PRKAG2: variants seen among roughly 807,000 people sequenced by gnomAD.
PRKAG2 encodes 5'-AMP-activated protein kinase subunit gamma-2.
A neutral mutation model predicts 69.6 loss-of-function variants in PRKAG2; 26 were observed. The ratio of observed to expected loss-of-function variants is 0.37; its 90% confidence interval spans 0.27 to 0.52. The LOEUF (loss-of-function observed/expected upper bound fraction) is 0.52, where lower values mean the gene tolerates loss of function less well. Ranked by LOEUF, PRKAG2 falls within the 20% of genes least tolerant of loss-of-function variation. The probability of loss-of-function intolerance (pLI) is 0.90; values close to 1 mark genes in which losing one functional copy is unlikely to be tolerated. For missense variants in PRKAG2, 557 were observed against 740.0 expected (o/e 0.75, Z 2.87); for synonymous variants, 293 against 285.0 (o/e 1.03, Z -0.28).
chr7:151,726,192 G>A (rs1199507067), intron 3 of PRKAG2, among the ~76,000 whole-genome samples: 2 of 152,158 alleles, frequency 1.3e-5, no homozygotes, highest in Admixed American at 1.3e-4. Flanking sequence ...CTGCCCATCA[G>A]AGGAACCGAG....
intron 1 of PRKAG2, among the ~76,000 whole-genome samples, chr7:151,857,726 G>A (rs895263780): frequency 2.0e-5 from 3 of 152,220 alleles, no homozygotes; most frequent in African/African-American, 7.2e-5. Flanking sequence ...TGCTGGCTTG[G>A]GAGCGCTCGC....
chr7:151,846,446 G>GGCA (rs2079434931), intron 1 of PRKAG2, among the ~76,000 whole-genome samples: 4 of 149,750 alleles, frequency 2.7e-5, no homozygotes, highest in African/African-American at 9.9e-5. Context: ...CCAGCCTGAC[G>GGCA]ACAGAAACTC....
chr7:151,744,266 G>T (rs1399607760), intron 3 of PRKAG2, among the ~76,000 whole-genome samples: 1 of 152,236 alleles, frequency 6.6e-6, no homozygotes, highest in Non-Finnish European at 1.5e-5. Flanking sequence ...ACGGCATCGG[G>T]GAAGTGCCAG....
At chr7:151,622,715 C>T (rs1464272841) in intron 5 of PRKAG2, among the ~76,000 whole-genome samples, 1 of 152,208 alleles carries the variant, frequency 6.6e-6, no homozygotes, top group Middle Eastern at 3.2e-3. Flanking sequence ...CAGGGATAAG[C>T]ACAAACATCC....
chr7:151,837,666 C>T (rs371776542), intron 1 of PRKAG2, among the ~76,000 whole-genome samples: 6 of 152,128 alleles, frequency 3.9e-5, no homozygotes, highest in South Asian at 2.1e-4. Context: ...ATGCCACACG[C>T]GAGGCACTTT....
At chr7:151,868,797 A>T (rs1474467775) in intron 1 of PRKAG2, among the ~76,000 whole-genome samples, 1 of 152,248 alleles carries the variant, frequency 6.6e-6, no homozygotes, top group East Asian at 1.9e-4. Flanking sequence ...ACAGAAAGAC[A>T]CTGGCCATGA....
intron 2 of PRKAG2, among the ~76,000 whole-genome samples, chr7:151,784,548 G>T (rs548104981): frequency 1.3e-5 from 2 of 152,314 alleles, no homozygotes; most frequent in African/African-American, 2.4e-5. Flanking sequence ...CAGGGCCGGG[G>T]AGGTGTCCAG....
At chr7:151,639,358 G>A (rs1201186602) in intron 4 of PRKAG2, among the ~76,000 whole-genome samples, 1 of 152,142 alleles carries the variant, frequency 6.6e-6, no homozygotes, top group East Asian at 1.9e-4. Context: ...CGTGTAGCCA[G>A]AGTGCCTATG....
At chr7:151,557,869 T>C in intron 15 of PRKAG2, 9 of 950,924 alleles carry the variant, frequency 9.5e-6, no homozygotes, top group Non-Finnish European at 1.1e-5. Context: ...TGAAACTCCG[T>C]CTCAAATAAA....
At chr7:151,620,262 T>C (rs1419018535) in intron 5 of PRKAG2, among the ~76,000 whole-genome samples, 1 of 152,204 alleles carries the variant, frequency 6.6e-6, no homozygotes, top group Non-Finnish European at 1.5e-5. Context: ...CAGTATCTAC[T>C]GAGATGACTA....
At chr7:151,635,570 G>C (rs887934511) in intron 4 of PRKAG2, among the ~76,000 whole-genome samples, 1 of 150,076 alleles carries the variant, frequency 6.7e-6, no homozygotes, top group Non-Finnish European at 1.5e-5. Flanking sequence ...ATTATGCTGA[G>C]GGGGAAAAAG....
intron 4 of PRKAG2, among the ~76,000 whole-genome samples, chr7:151,650,933 G>A (rs1168842681): frequency 1.3e-5 from 2 of 152,132 alleles, no homozygotes; most frequent in Non-Finnish European, 2.9e-5. Flanking sequence ...ATGTGCAATT[G>A]AGCTGCTTTT....
At chr7:151,571,080 T>TG (rs1399427309) in intron 9 of PRKAG2, among the ~76,000 whole-genome samples, 1 of 149,544 alleles carries the variant, frequency 6.7e-6, no homozygotes, top group African/African-American at 2.5e-5. Flanking sequence ...CTAATTTTTT[T>TG]TTTTTTTTTG....
chr7:151,761,579 T>A (rs1586347942), intron 3 of PRKAG2, among the ~76,000 whole-genome samples: 2 of 152,082 alleles, frequency 1.3e-5, no homozygotes, highest in Non-Finnish European at 2.9e-5. Context: ...CATTCCCTAG[T>A]CCCTGCCCGC....
At chr7:151,867,462 G>A (rs917724339) in intron 1 of PRKAG2, among the ~76,000 whole-genome samples, 2 of 152,106 alleles carry the variant, frequency 1.3e-5, no homozygotes, top group Non-Finnish European at 2.9e-5. Flanking sequence ...TGCAATCTCT[G>A]CCTCCGCCCT....
At chr7:151,826,108 G>A (rs1301620658) in intron 1 of PRKAG2, among the ~76,000 whole-genome samples, 2 of 151,814 alleles carry the variant, frequency 1.3e-5, no homozygotes, top group African/African-American at 2.4e-5. Context: ...ACCCACCACC[G>A]CCCTGCCCTA....
intron 4 of PRKAG2, among the ~76,000 whole-genome samples, chr7:151,665,379 C>T (rs777042631): frequency 2.0e-5 from 3 of 152,176 alleles, no homozygotes; most frequent in Admixed American, 6.5e-5. Context: ...CCAAAGACCC[C>T]GGCCACTGCT....
At chr7:151,675,309 A>G in intron 4 of PRKAG2, 111 bp downstream of exon 4, 1 of 1,029,436 alleles carries the variant, frequency 9.7e-7, no homozygotes, top group Non-Finnish European at 1.5e-6. Context: ...AGATGTCGGG[A>G]GCACACGACC....
At chr7:151,870,111 T>TGATTGATAGATA (rs1554621411) in intron 1 of PRKAG2, among the ~76,000 whole-genome samples, 1 of 120,318 alleles carries the variant, frequency 8.3e-6, no homozygotes, top group African/African-American at 3.3e-5. Context: ...AAGGTGCAGA[T>TGATTGATAGATA]GATAGATAGA....
Sources: gnomAD v4.1 joint callset for allele counts (sites outside exome capture counted in the v4.1 genomes callset) on GRCh38, gnomAD v4.1.1 for gene constraint, MANE v1.5 for transcripts, NCBI Gene and HGNC (gene_info 2026-07-23, HGNC 2026-07-21) for gene names.